Variants in TPRG1 observed in about 807,000 individuals in gnomAD.
TPRG1 encodes the protein tumor protein p63-regulated gene 1 protein.
Under a neutral mutation model 29.3 loss-of-function variants are expected in TPRG1, and 29 were observed. That is an observed-to-expected ratio of 0.99 (90% CI 0.74 to 1.35). The LOEUF (loss-of-function observed/expected upper bound fraction) is 1.35. TPRG1 is among the 40% of genes most tolerant of loss of function. The pLI is 0.00. For missense variants in TPRG1, 327 were observed against 335.0 expected (o/e 0.98, Z 0.19); for synonymous variants, 130 against 116.8 (o/e 1.11, Z -0.73).
intron 4 of TPRG1, among the ~76,000 whole-genome samples, chr3:189,288,082 GAGA>G (rs1201415862): frequency 6.6e-6 from 1 of 151,890 alleles, no homozygotes; most frequent in Non-Finnish European, 1.5e-5. Flanking sequence ...AGGAAAAAGA[GAGA>G]GGAGAGAAAA....
Position 189,282,808 on chromosome 3 carries a change from G to T in TPRG1, c.480-27578G>T, listed in dbSNP as rs963795067. Among the ~76,000 whole-genome samples the T allele has an allele frequency of 1.8e-4, 27 of 152,182 alleles. 1 individual carries two copies. The highest frequency in any genetic ancestry group is 6.5e-4 in the African/African-American group (27 of 41,436). ...TGCTGGCTGGAGGGAGAAAGGATCA[G>T]ATACGTGAGATGAGGATGTGGAAGG... On this transcript the variant is annotated intron_variant, in intron 4 of 5. Transcript: ENST00000345063.
At chr3:189,095,851 G>T (rs369083259), upstream of TPRG1, among the ~76,000 whole-genome samples, 2 of 152,148 alleles carry the variant, frequency 1.3e-5, no homozygotes, top group African/African-American at 4.8e-5. Flanking sequence ...GATAGAAGAA[G>T]CTCAGCCAGG....
At chr3:189,050,770 G>A (rs1444346879) in intron 4 of TPRG1, among the ~76,000 whole-genome samples, 1 of 152,150 alleles carries the variant, frequency 6.6e-6, no homozygotes, top group Admixed American at 6.5e-5. Flanking sequence ...ATGCAGGGAT[G>A]GTTTAACGTA....
At chr3:189,117,002 T>A (rs917596104) in intron 1 of TPRG1, among the ~76,000 whole-genome samples, 1 of 152,268 alleles carries the variant, frequency 6.6e-6, no homozygotes, top group South Asian at 2.1e-4. Context: ...CAAAGAGAAG[T>A]TAGACTTGGC....
intron 3 of TPRG1, among the ~76,000 whole-genome samples, chr3:189,023,200 C>G (rs768008083): frequency 2.6e-5 from 4 of 152,296 alleles, no homozygotes; most frequent in South Asian, 4.1e-4. Context: ...GCGTCGCTCA[C>G]GCTGGGAGCT....
intron 3 of TPRG1, among the ~76,000 whole-genome samples, chr3:189,143,011 A>G (rs950924353): frequency 5.3e-5 from 8 of 152,248 alleles, no homozygotes; most frequent in African/African-American, 1.9e-4. Context: ...AACAAGTAGA[A>G]AGATTATACA....
intron 4 of TPRG1, among the ~76,000 whole-genome samples, chr3:189,292,921 C>T (rs1719256695): frequency 6.6e-6 from 1 of 152,096 alleles, no homozygotes; most frequent in Non-Finnish European, 1.5e-5. Flanking sequence ...AGAGGGGCCT[C>T]TGCAGGGTGT....
chr3:189,131,575 A>G (rs759656401), intron 2 of TPRG1, among the ~76,000 whole-genome samples: 1 of 152,178 alleles, frequency 6.6e-6, no homozygotes, highest in African/African-American at 2.4e-5. Flanking sequence ...TCTCATTTCA[A>G]CTTTCTAAGA....
At chr3:189,095,287 C>A (rs942669747), upstream of TPRG1, among the ~76,000 whole-genome samples, 3 of 152,040 alleles carry the variant, frequency 2.0e-5, no homozygotes, top group Non-Finnish European at 2.9e-5. Flanking sequence ...TAATGATGAA[C>A]AAAGGGAGAG....
At chr3:189,288,252 G>T (rs1180670769) in intron 4 of TPRG1, among the ~76,000 whole-genome samples, 1 of 152,114 alleles carries the variant, frequency 6.6e-6, no homozygotes, top group East Asian at 1.9e-4. Context: ...GTAAAAAAAA[G>T]ATGCTGCTAT....
chr3:189,138,244 C>T (rs777020455), intron 3 of TPRG1, among the ~76,000 whole-genome samples: 3 of 152,118 alleles, frequency 2.0e-5, no homozygotes, highest in Non-Finnish European at 2.9e-5. Flanking sequence ...GTCATGTAAG[C>T]AAAGGCTTGG....
chr3:189,211,539 T>G (rs1335743602), intron 2 of TPRG1: 1 of 152,170 alleles, frequency 6.6e-6, no homozygotes, highest in East Asian at 1.9e-4. Context: ...CCCTTAAACC[T>G]CTTGTATTCT....
At chr3:189,124,192 A>G (rs1292022053) in intron 1 of TPRG1, among the ~76,000 whole-genome samples, 6 of 152,144 alleles carry the variant, frequency 3.9e-5, no homozygotes, top group Admixed American at 3.9e-4. Flanking sequence ...GAGGCTCTGG[A>G]GTAGGTACAC....
chr3:189,309,666 C>T (rs1722171397), intron 4 of TPRG1, among the ~76,000 whole-genome samples: 1 of 152,160 alleles, frequency 6.6e-6, no homozygotes. Flanking sequence ...TCCCTGTTAT[C>T]TCAAGCTTAC....
At chr3:189,086,247 C>T (rs1717926760) in intron 4 of TPRG1, among the ~76,000 whole-genome samples, 1 of 152,194 alleles carries the variant, frequency 6.6e-6, no homozygotes, top group Non-Finnish European at 1.5e-5. Context: ...CAGTCTAGTC[C>T]TTCCGCATTC....
At chr3:189,010,447 C>G (rs1448256127) in intron 3 of TPRG1, among the ~76,000 whole-genome samples, 1 of 152,054 alleles carries the variant, frequency 6.6e-6, no homozygotes, top group Non-Finnish European at 1.5e-5. Context: ...CCAGTACCTG[C>G]TATTTTTTAG....
intron 3 of TPRG1, among the ~76,000 whole-genome samples, chr3:189,011,686 C>T (rs1712609828): frequency 6.6e-6 from 1 of 152,148 alleles, no homozygotes; most frequent in African/African-American, 2.4e-5. Context: ...GGGTCCATCC[C>T]ACAACATGTG....
At chr3:189,250,602 A>T (rs1579038114) in intron 4 of TPRG1, among the ~76,000 whole-genome samples, 1 of 143,214 alleles carries the variant, frequency 7.0e-6, no homozygotes, top group East Asian at 2.1e-4. Context: ...GGCCCTTCTC[A>T]GGCATTAAGT....
chr3:189,054,114 A>C (rs1235638635), intron 4 of TPRG1, among the ~76,000 whole-genome samples: 1 of 152,118 alleles, frequency 6.6e-6, no homozygotes, highest in Non-Finnish European at 1.5e-5. Context: ...TTTTGATTTA[A>C]AATGAGAGAC....
Sources: gnomAD v4.1 joint callset for allele counts (sites outside exome capture counted in the v4.1 genomes callset) on GRCh38, gnomAD v4.1.1 for gene constraint, MANE v1.5 for transcripts, NCBI Gene and HGNC (gene_info 2026-07-23, HGNC 2026-07-21) for gene names.